TLE1: variants seen among roughly 807,000 people sequenced by gnomAD.
TLE1 encodes TLE family member 1, transcriptional corepressor, also known as transducin-like enhancer protein 1.
TLE1 carries 21 observed loss-of-function variants against 89.8 expected under a neutral mutation model. The ratio of observed to expected loss-of-function variants is 0.23; its 90% confidence interval spans 0.17 to 0.34. The LOEUF is 0.34. TLE1 is among the 10% of genes least tolerant of loss of function. The probability of loss-of-function intolerance (pLI) is 1.00; values close to 1 mark genes in which losing one functional copy is unlikely to be tolerated. For missense variants in TLE1, 795 were observed against 1,031.2 expected (o/e 0.77, Z 3.14); for synonymous variants, 447 against 407.6 (o/e 1.10, Z -1.16).
At chr9:81,584,973 T>TCCAC (rs1564097889) in intron 18 of TLE1, among the ~76,000 whole-genome samples, 3 of 151,000 alleles carry the variant, frequency 2.0e-5, no homozygotes, top group Non-Finnish European at 4.4e-5. Context: ...CACCCATCCA[T>TCCAC]CCATCCATCC....
rs1491019615 is a variant in TLE1 at position 81,680,940 on chromosome 9, AAC to A, written c.234+4734_234+4735del. 1.4e-4 allele frequency among the ~76,000 whole-genome samples: 21 copies of A among 151,052 alleles called. 1 individual carries two copies. Among genetic ancestry groups the A allele is most frequent in the African/African-American group, 4.8e-4 (20 of 41,474 alleles). On this transcript the variant is annotated intron_variant, in intron 4 of 19. Transcript: ENST00000376499. ...AAAACACACAGGGTTAAAAAAAAAA[AAC>A]AAAAAAAACACTAAGGTAAAATTTG...
intron 6 of TLE1, among the ~76,000 whole-genome samples, chr9:81,646,884 T>C (rs1252370432): frequency 6.6e-6 from 1 of 152,186 alleles, no homozygotes; most frequent in Non-Finnish European, 1.5e-5. Flanking sequence ...TATTTGCCTA[T>C]GGAGAAGGAA....
intron 4 of TLE1, among the ~76,000 whole-genome samples, chr9:81,675,698 G>GTTTTTTTGTTTTTTTT (rs1832789323): frequency 7.7e-6 from 1 of 129,666 alleles, no homozygotes; most frequent in African/African-American, 3.3e-5. Flanking sequence ...ACTCACACTA[G>GTTTTTTTGTTTTTTTT]TTTTTTTTTG....
chr9:81,612,056 GGAGA>G, intron 12 of TLE1, 97 bp from the exon 13 acceptor site: 1 of 1,004,264 alleles, frequency 1.0e-6, no homozygotes. Context: ...TCACTCATGG[GGAGA>G]GAGAAAGAGG....
rs150254210 is a variant in TLE1 at position 81,625,664 on chromosome 9, G to A, written c.595-5107C>T. On this transcript the variant is annotated intron_variant, in intron 8 of 19. Transcript: ENST00000376499. ...TGAACCTCAGAGAGCACCCAGTGGC[G>A]TCAAAAGAAAATGTTAAGATTGGGA... Among the ~76,000 whole-genome samples the A allele has an allele frequency of 9.0e-3, 1,375 of 152,140 alleles. 12 individuals are homozygous for A. Among genetic ancestry groups the A allele is most frequent in the Non-Finnish European group, 0.014 (945 of 67,986 alleles).
rs1252425609 is a variant in TLE1 at position 81,652,057 on chromosome 9, GTC to G, written c.372+155_372+156del. On this transcript the variant is annotated intron_variant, in intron 6 of 19. Coordinates refer to ENST00000376499, the MANE Select transcript of TLE1 (RefSeq NM_005077.5). ...CTCCATATACCTTAGCACATCCCAAGTCTCTTCCTCTCCTCCTCCCACCCTTA... is the reference window on the plus strand; with the variant it reads ...CTCCATATACCTTAGCACATCCCAAGTCTTCCTCTCCTCCTCCCACCCTTA... 48 of 653,670 alleles carry G rather than the reference GTC, an allele frequency of 7.3e-5. No individual in the cohort carries two copies. In the East Asian group the frequency reaches 1.2e-3, roughly 16 times the overall value. The allele number at this position is 653,670 out of a possible 1,614,324, so 40.5% of individuals were successfully genotyped here.
At chr9:81,647,773 A>G (rs1829035511) in intron 6 of TLE1, among the ~76,000 whole-genome samples, 1 of 152,236 alleles carries the variant, frequency 6.6e-6, no homozygotes, top group South Asian at 2.1e-4. Flanking sequence ...GCAGCTAAGT[A>G]TCCTCCCCAA....
chr9:81,678,935 G>A (rs1431914928), intron 4 of TLE1, among the ~76,000 whole-genome samples: 2 of 152,152 alleles, frequency 1.3e-5, no homozygotes, highest in Non-Finnish European at 2.9e-5. Context: ...GAGGCTAGGA[G>A]TTTGAGACCA....
chr9:81,666,775 C>CT (rs1305998724), intron 4 of TLE1, among the ~76,000 whole-genome samples: 1 of 77,868 alleles, frequency 1.3e-5, no homozygotes, highest in Admixed American at 1.2e-4. Flanking sequence ...ACTCGTCTCA[C>CT]AAAATAAATA....
chr9:81,635,850 C>T (rs1827291012), intron 6 of TLE1, among the ~76,000 whole-genome samples: 1 of 152,094 alleles, frequency 6.6e-6, no homozygotes, highest in East Asian at 1.9e-4. Flanking sequence ...TTCAAGCACT[C>T]CAACTTTTCT....
At chr9:81,662,698 CAA>C (rs1030990268) in intron 4 of TLE1, among the ~76,000 whole-genome samples, 1 of 138,356 alleles carries the variant, frequency 7.2e-6, no homozygotes, top group Admixed American at 7.3e-5. Flanking sequence ...AACTCCGTAT[CAA>C]AAAAAAAAAA....
At chr9:81,586,428 T>C (rs1828465798) in intron 17 of TLE1, among the ~76,000 whole-genome samples, 1 of 152,148 alleles carries the variant, frequency 6.6e-6, no homozygotes, top group East Asian at 1.9e-4. Flanking sequence ...CTGTACTGAA[T>C]ACTGTAGGCA....
intron 14 of TLE1, among the ~76,000 whole-genome samples, chr9:81,597,592 C>T (rs1185568601): frequency 1.3e-5 from 2 of 152,138 alleles, no homozygotes; most frequent in African/African-American, 4.8e-5. Context: ...GCGAAGCCCA[C>T]CTGCATCTCA....
chr9:81,633,266 A>G, intron 8 of TLE1, 82 bp downstream of exon 8: 1 of 1,598,088 alleles, frequency 6.3e-7, no homozygotes. Context: ...GCCTGTGTGG[A>G]GAAGTGTTGT....
At chr9:81,677,360 T>C (rs569164224) in intron 4 of TLE1, among the ~76,000 whole-genome samples, 103 of 151,906 alleles carry the variant, frequency 6.8e-4, no homozygotes, top group Non-Finnish European at 1.2e-3. Flanking sequence ...GGTCAGGAGA[T>C]CGAGACCATC....
At chr9:81,657,424 T>A (rs1464819510) in intron 4 of TLE1, among the ~76,000 whole-genome samples, 1 of 152,214 alleles carries the variant, frequency 6.6e-6, no homozygotes, top group Non-Finnish European at 1.5e-5. Flanking sequence ...CTTTTTATGC[T>A]TAACTATTTA....
chr9:81,653,471 CAA>C (rs1253557565), intron 5 of TLE1, among the ~76,000 whole-genome samples: 1 of 152,184 alleles, frequency 6.6e-6, no homozygotes, highest in East Asian at 1.9e-4. Flanking sequence ...TGTAACTAAA[CAA>C]AATAGCTTAT....
At chr9:81,606,613 C>G (rs1484654226) in intron 14 of TLE1, among the ~76,000 whole-genome samples, 1 of 152,034 alleles carries the variant, frequency 6.6e-6, no homozygotes, top group African/African-American at 2.4e-5. Flanking sequence ...ACATCACACA[C>G]TGGGGCCTGT....
rs1414263176 is a variant in TLE1 at position 81,688,339 on chromosome 9, G to A, written c.-99C>T. 10 of 1,325,012 alleles carry A rather than the reference G, an allele frequency of 7.5e-6. No homozygotes were observed. The highest frequency in any genetic ancestry group is 3.7e-5 in the Admixed American group (1 of 26,742). 82.1% of individuals were successfully genotyped at this position (1,325,012 alleles called of 1,614,324 possible). ...GAGGAAAATTAAGCCGGAAAGCCAA[G>A]CAGAAGCGGGGAGCGCGCTGGCCAC... On this transcript the variant is annotated 5_prime_UTR_variant, in exon 1 of 20. Transcript: ENST00000376499.
Sources: gnomAD v4.1 joint callset for allele counts (sites outside exome capture counted in the v4.1 genomes callset) on GRCh38, gnomAD v4.1.1 for gene constraint, MANE v1.5 for transcripts, NCBI Gene and HGNC (gene_info 2026-07-23, HGNC 2026-07-21) for gene names.